Variants in TACC1 observed in about 807,000 individuals in gnomAD.
The protein encoded by TACC1 is transforming acidic coiled-coil containing protein 1, also known as transforming acidic coiled-coil-containing protein 1.
Under a neutral mutation model 84.4 loss-of-function variants are expected in TACC1, and 48 were observed. That is an observed-to-expected ratio of 0.57 (90% CI 0.45 to 0.72). The LOEUF (loss-of-function observed/expected upper bound fraction) is 0.72. Ranked by LOEUF, TACC1 falls within the 30% of genes least tolerant of loss-of-function variation. The probability of loss-of-function intolerance (pLI) is 0.00; values close to 1 mark genes in which losing one functional copy is unlikely to be tolerated. For missense variants in TACC1, 920 were observed against 973.0 expected (o/e 0.95, Z 0.72); for synonymous variants, 372 against 376.3 (o/e 0.99, Z 0.13).
chr8:38,846,072 C>A (rs1279271885), intron 11 of TACC1: 2 of 151,490 alleles, frequency 1.3e-5, no homozygotes, highest in African/African-American at 4.9e-5. Flanking sequence ...GCGGGTGGAT[C>A]ACGAGGTCAG....
At chr8:38,776,846 C>A (rs1814891733) in intron 3 of TACC1, among the ~76,000 whole-genome samples, 1 of 152,148 alleles carries the variant, frequency 6.6e-6, no homozygotes, top group Non-Finnish European at 1.5e-5. Context: ...CAGGTTCTTC[C>A]CATACCTTCA....
intron 4 of TACC1, among the ~76,000 whole-genome samples, chr8:38,826,054 A>G (rs1005953896): frequency 2.6e-5 from 4 of 152,232 alleles, no homozygotes; most frequent in Middle Eastern, 3.2e-3. Context: ...TCTGATTGCA[A>G]TGAGATCCTT....
intron 1 of TACC1, 182 bp from the exon 2 acceptor site, chr8:38,788,522 A>C: frequency 2.0e-6 from 1 of 503,444 alleles, no homozygotes. Context: ...AGCCTGAGAA[A>C]CCCAAGGAGG....
chr8:38,804,329 C>T (rs373947450), intron 2 of TACC1, among the ~76,000 whole-genome samples: 31 of 151,768 alleles, frequency 2.0e-4, no homozygotes, highest in African/African-American at 7.0e-4. Flanking sequence ...GATGGAATTT[C>T]GCTCTTGTCA....
intron 2 of TACC1, among the ~76,000 whole-genome samples, chr8:38,794,789 T>A (rs1488102588): frequency 6.6e-6 from 1 of 152,208 alleles, no homozygotes; most frequent in Non-Finnish European, 1.5e-5. Context: ...GAATGCTTTA[T>A]TAGAGTTTCC....
exon 3 of TACC1, chr8:38,745,307 A>G (rs1807856000): frequency 1.9e-6 from 1 of 525,990 alleles, no homozygotes; most frequent in Non-Finnish European, 3.4e-6. Context: ...TGCAAAACAA[A>G]GGAAAAACAA....
Position 38,842,352 on chromosome 8 carries a change from CA to C in TACC1, c.2027del (p.Gln676ArgfsTer23), listed in dbSNP as rs768118857. 1 of 1,614,210 alleles carries C rather than the reference CA, an allele frequency of 6.2e-7. No homozygotes were observed. Among genetic ancestry groups the C allele is most frequent in the Admixed American group, 1.7e-5 (1 of 60,036 alleles). ...SFQQLTMEKE[Q>X]ALADLNSVER... is the part of the protein sequence containing the mutation. The stretch of plus-strand genomic sequence containing the variant: ...CCAGCAACTGACCATGGAGAAGGAA[CA>C]GGCCCTGGCTGACCTTAACTCTGTG... On this transcript the variant is annotated frameshift_variant, in exon 10 of 13. Coordinates refer to ENST00000317827, the MANE Select transcript of TACC1 (RefSeq NM_006283.3). LOFTEE classifies it high-confidence loss of function.
chr8:38,846,749 C>T lies in TACC1; in HGVS notation c.2279C>T (p.Ala760Val), dbSNP rs1340296755. 1 of 1,614,110 alleles carries T rather than the reference C, an allele frequency of 6.2e-7. No homozygotes were observed. The highest frequency in any genetic ancestry group is 2.2e-5 in the East Asian group (1 of 44,878). Reference protein sequence around the residue: ...QVRTKAKAESAALHAGLRKEQ... With the variant: ...QVRTKAKAESVALHAGLRKEQ... Reference sequence around the variant, plus strand: ...CGAACAAAAGCAAAGGCTGAGAGTGCAGCTCTCCATGCTGGACTCCGCAAA... The same window carrying T: ...CGAACAAAAGCAAAGGCTGAGAGTGTAGCTCTCCATGCTGGACTCCGCAAA... The change falls in exon 12 of 13, where the codon GCA (alanine) becomes GTA (valine). Residue 760 changes from alanine to valine, a missense_variant. Around this residue, in one of 2 missense-constraint regions of TACC1, gnomAD observed 158 missense variants for 225.6 expected, o/e 0.70. Transcript: ENST00000317827.
chr8:38,754,624 G>A (rs752443794), intron 3 of TACC1, among the ~76,000 whole-genome samples: 16 of 152,220 alleles, frequency 1.1e-4, no homozygotes, highest in Admixed American at 5.2e-4. Flanking sequence ...TCATGCCACT[G>A]CACAGAGCAA....
chr8:38,760,145 T>A, intron 3 of TACC1, among the ~76,000 whole-genome samples: 1 of 152,350 alleles, frequency 6.6e-6, no homozygotes, highest in African/African-American at 2.4e-5. Context: ...TTCAGAATAA[T>A]CTAATCAGGT....
At chr8:38,825,544 G>A (rs1343576236) in intron 4 of TACC1, among the ~76,000 whole-genome samples, 176 bp downstream of exon 4, 1 of 152,092 alleles carries the variant, frequency 6.6e-6, no homozygotes, top group African/African-American at 2.4e-5. Flanking sequence ...TGAAGACAAG[G>A]GAACCCTTTC....
Position 38,776,968 on chromosome 8 carries a change from C to T in TACC1, c.27-11736C>T, listed in dbSNP as rs530868381. Among the ~76,000 whole-genome samples, 94 of 152,210 alleles carry T rather than the reference C, an allele frequency of 6.2e-4. 1 individual carries two copies. The highest frequency in any genetic ancestry group is 2.2e-3 in the African/African-American group (92 of 41,566). Reference sequence around the variant, plus strand: ...GACACAGTCTGATAAAGAAGATAGACTTTTAGGCTGGGCACGGTGGCTCAC... The same window carrying T: ...GACACAGTCTGATAAAGAAGATAGATTTTTAGGCTGGGCACGGTGGCTCAC... On this transcript the variant is annotated intron_variant, in intron 3 of 14. Transcript: ENST00000518415.
chr8:38,755,594 C>T (rs952676688), intron 3 of TACC1, among the ~76,000 whole-genome samples: 1 of 151,802 alleles, frequency 6.6e-6, no homozygotes, highest in African/African-American at 2.4e-5. Context: ...GTCCCAGCTG[C>T]TGAAAAGGCT....
Position 38,788,790 on chromosome 8 carries a change from G to C in TACC1, c.248G>C (p.Gly83Ala). 1 of 1,613,518 alleles carries C rather than the reference G, an allele frequency of 6.2e-7. No homozygotes were observed. The highest frequency in any genetic ancestry group is 8.5e-7 in the Non-Finnish European group (1 of 1,179,652). The stretch of plus-strand genomic sequence containing the variant: ...AAGGAGTCCTGTGATCCATCACTCG[G>C]ATTGGCAGGACCTGGGGCCAAAAGC... The part of the protein sequence containing the change: ...PFKESCDPSL[G>A]LAGPGAKSQE... The change falls in exon 2 of 13, where the codon GGA (glycine) becomes GCA (alanine). Residue 83 changes from glycine (G) to alanine (A), a missense_variant. Gly to Ala is a moderately conservative substitution (Grantham distance 60). Coordinates refer to ENST00000317827, the MANE Select transcript of TACC1 (RefSeq NM_006283.3).
At chr8:38,808,638 C>T (rs1374658906) in intron 2 of TACC1, among the ~76,000 whole-genome samples, 2 of 152,210 alleles carry the variant, frequency 1.3e-5, no homozygotes, top group African/African-American at 4.8e-5. Context: ...TGATCTTGAA[C>T]TCCTGGGCTC....
In TACC1 at chr8:38,827,197, A is replaced by G. The variant is rs1227988075; in HGVS notation, c.1482A>G (p.Ser494=). The change falls in exon 5 of 13, where the codon TCA becomes TCG. Residue 494 remains serine, a synonymous_variant. Coordinates refer to ENST00000317827, the MANE Select transcript of TACC1 (RefSeq NM_006283.3). ...AAGGGGCAGTGATCTCCCAGATTTCAGACATTTCTAATAGGGATGGCCATG... is the reference window on the plus strand; with the variant it reads ...AAGGGGCAGTGATCTCCCAGATTTCGGACATTTCTAATAGGGATGGCCATG... The part of the protein sequence containing the change: ...RDEGAVISQI[S]DISNRDGHAT... 14 of 1,613,882 alleles carry G rather than the reference A, an allele frequency of 8.7e-6. No homozygotes were observed. Among genetic ancestry groups the G allele is most frequent in the Non-Finnish European group, 1.2e-5 (14 of 1,180,016 alleles).
At chr8:38,817,203 T>C (rs1036338278) in intron 2 of TACC1, among the ~76,000 whole-genome samples, 1 of 152,242 alleles carries the variant, frequency 6.6e-6, no homozygotes, top group East Asian at 1.9e-4. Context: ...GTTGTACAAC[T>C]GGCCTGTCTT....
At chr8:38,751,086 T>C (rs1299434403) in intron 3 of TACC1, among the ~76,000 whole-genome samples, 1 of 152,178 alleles carries the variant, frequency 6.6e-6, no homozygotes, top group Non-Finnish European at 1.5e-5. Context: ...ATCTATAAAT[T>C]GGCATTTAAA....
intron 2 of TACC1, among the ~76,000 whole-genome samples, chr8:38,793,246 A>G (rs1455360047): frequency 1.3e-5 from 2 of 152,134 alleles, no homozygotes; most frequent in African/African-American, 4.8e-5. Context: ...GTGCACAGAT[A>G]TTTACTGCCT....
Sources: gnomAD v4.1 joint callset for allele counts (sites outside exome capture counted in the v4.1 genomes callset) on GRCh38, gnomAD v4.1.1 for gene constraint, gnomAD v4.1.1 regional missense constraint, MANE v1.5 for transcripts, NCBI Gene and HGNC (gene_info 2026-07-23, HGNC 2026-07-21) for gene names.